The following TMEM63B variants were observed in gnomAD, a reference collection of about 807,000 sequenced individuals.
TMEM63B encodes the protein mechanosensitive cation channel TMEM63B.
A neutral mutation model predicts 102.6 loss-of-function variants in TMEM63B; 23 were observed. The ratio of observed to expected loss-of-function variants is 0.22; its 90% CI spans 0.16 to 0.32. TMEM63B has a LOEUF of 0.32. TMEM63B is among the 10% of genes least tolerant of loss of function. The pLI is 1.00. For missense variants in TMEM63B, 628 were observed against 1,095.9 expected (o/e 0.57, Z 6.03); for synonymous variants, 444 against 437.0 (o/e 1.02, Z -0.20).
Position 44,154,684 on chromosome 6 carries a change from T to C in TMEM63B, c.2308-8T>C. The C allele has an allele frequency of 6.5e-7, 1 of 1,537,188 alleles. No homozygotes were observed. Among genetic ancestry groups the C allele is most frequent in the Non-Finnish European group, 8.7e-7 (1 of 1,142,894 alleles). On this transcript the variant is annotated splice_region_variant and splice_polypyrimidine_tract_variant and intron_variant, in intron 23 of 23. Coordinates refer to ENST00000323267, the MANE Select transcript of TMEM63B (RefSeq NM_018426.3). ...TTCACCTTGCCCCCATTTCCTCTCCTCCTTCAGAAATACATCGCTCAGGTG... is the reference window on the plus strand; with the variant it reads ...TTCACCTTGCCCCCATTTCCTCTCCCCCTTCAGAAATACATCGCTCAGGTG...
intron 9 of TMEM63B, 61 bp from the exon 10 acceptor site, chr6:44,140,967 A>T (rs1764129752): frequency 1.3e-6 from 2 of 1,497,320 alleles, no homozygotes; most frequent in East Asian, 4.5e-5. Context: ...CCCACCCCTC[A>T]CATCCCCTGG....
At chr6:44,142,258 C>A (rs898497685) in intron 10 of TMEM63B, among the ~76,000 whole-genome samples, 2 of 135,496 alleles carry the variant, frequency 1.5e-5, no homozygotes, top group Non-Finnish European at 3.2e-5. Flanking sequence ...ATAATGAGAC[C>A]CCATGTCTTA....
In TMEM63B at chr6:44,147,507, C is replaced by T. The variant is rs6931058; in HGVS notation, c.987+7C>T. ...GGTGCGAGGCTGTGAGCAGGTATGA[C>T]GCGGGCTGGCTGTTGAGTCGGGAGA... On this transcript the variant is annotated splice_region_variant and intron_variant, in intron 12 of 23. Coordinates refer to ENST00000323267, the MANE Select transcript of TMEM63B (RefSeq NM_018426.3). 2.3e-3 allele frequency: 3,693 copies of T among 1,613,896 alleles called. 76 individuals are homozygous for T. In the African/African-American group the frequency reaches 0.042, roughly 19 times the overall value.
rs774010395 is a variant in TMEM63B, at chr6:44,151,876, C to T, written c.1704C>T (p.Phe568=). 1 of 1,612,962 alleles carries T rather than the reference C, an allele frequency of 6.2e-7. No homozygotes were observed. Among genetic ancestry groups the T allele is most frequent in the South Asian group, 1.1e-5 (1 of 90,954 alleles). Residue 568 remains phenylalanine, a synonymous_variant, in exon 19 of 24, where the codon TTC becomes TTT. Transcript: ENST00000323267. ...ECVFLPDNGA[F]FVNYVIASAF... is the part of the protein sequence containing the mutation. ...TGTTCCTGCCCGACAACGGCGCCTT[C>T]TTCGTGAACTACGTCATTGCCTCAG... is the stretch of plus-strand genomic sequence containing the variant.
At chr6:44,149,742 A>G (rs1179797523) in intron 15 of TMEM63B, 117 bp from the exon 16 acceptor site, 1 of 773,502 alleles carries the variant, frequency 1.3e-6, no homozygotes. Flanking sequence ...TGGGCTTCCA[A>G]CATGGGAGCC....
chr6:44,144,479 G>C (rs867009328), intron 10 of TMEM63B, among the ~76,000 whole-genome samples: 4 of 152,068 alleles, frequency 2.6e-5, no homozygotes, highest in African/African-American at 9.7e-5. Context: ...ACATCTCAAG[G>C]ACCCTATCCC....
rs1246485262 is a variant in TMEM63B at position 44,147,399 on chromosome 6, C to T, written c.886C>T (p.Leu296=). 1 of 1,614,182 alleles carries T rather than the reference C, an allele frequency of 6.2e-7. No individual in the cohort carries two copies. ...AERKKAERGK[L]YFTNLQSKEN... is the part of the protein sequence containing the mutation. ...CAGGAAGAAGGCCGAGCGGGGAAAG[C>T]TGTACTTCACAAACCTCCAGAGCAA... Residue 296 remains leucine (L), a synonymous_variant, in exon 12 of 24, where the codon CTG becomes TTG. Coordinates refer to ENST00000323267, the MANE Select transcript of TMEM63B (RefSeq NM_018426.3).
At chr6:44,145,152 A>G (rs1208371362) in intron 10 of TMEM63B, among the ~76,000 whole-genome samples, 1 of 151,598 alleles carries the variant, frequency 6.6e-6, no homozygotes, top group Non-Finnish European at 1.5e-5. Context: ...GCATGTGCCT[A>G]TAATCCCAGC....
At chr6:44,146,462 T>TTTTTTTTTTTTTTTA (rs1485690463) in intron 10 of TMEM63B, among the ~76,000 whole-genome samples, 2 of 151,608 alleles carry the variant, frequency 1.3e-5, no homozygotes, top group Non-Finnish European at 1.5e-5. Context: ...TTTTTGTCTT[T>TTTTTTTTTTTTTTTA]TTTTTTGAGA....
At chr6:44,140,814 T>A (rs1452638675) in intron 9 of TMEM63B, among the ~76,000 whole-genome samples, 2 of 152,172 alleles carry the variant, frequency 1.3e-5, no homozygotes, top group Non-Finnish European at 2.9e-5. Context: ...TTAGGCTCAC[T>A]GCCTGATTTC....
chr6:44,138,426 G>C lies in TMEM63B; in HGVS notation c.370-54G>C. 2.5e-6 allele frequency: 4 copies of C among 1,611,980 alleles called. No homozygotes were observed. The East Asian group carries it at 8.9e-5, about 36-fold the overall frequency. Reference sequence around the variant, plus strand: ...AATGGGTGGGACTTGAGGGAGGAGAGAGGTTCGGGTTGGTGGGCTGGGGAC... The same window carrying C: ...AATGGGTGGGACTTGAGGGAGGAGACAGGTTCGGGTTGGTGGGCTGGGGAC... On this transcript the variant is annotated intron_variant, in intron 5 of 23. Transcript: ENST00000323267.
At position 44,134,760 on chromosome 6, in the gene TMEM63B, A is replaced by AC. The variant is rs757676472; in HGVS notation, c.159+21dup. 5.6e-6 allele frequency: 9 copies of AC among 1,608,202 alleles called. No homozygotes were observed. In the Admixed American group the frequency reaches 1.5e-4, roughly 27 times the overall value. On this transcript the variant is annotated intron_variant, in intron 2 of 23. Transcript: ENST00000323267. ...TGCTTCCTTGTAAGTGCCTGCTGCC[A>AC]CCCCTTACCTTGGCATCCATGCCCT...
intron 10 of TMEM63B, among the ~76,000 whole-genome samples, chr6:44,143,731 T>G (rs555786164): frequency 5.3e-5 from 8 of 152,058 alleles, no homozygotes; most frequent in Non-Finnish European, 1.2e-4. Context: ...GATGAACTAG[T>G]AATAGAGACT....
chr6:44,148,176 G>A lies in TMEM63B; in HGVS notation c.988-76G>A. On this transcript the variant is annotated intron_variant, in intron 12 of 23. Transcript: ENST00000323267. The surrounding 1 kb of genome is among the most constrained non-coding windows in gnomAD (Gnocchi z 5.1). ...GTGCCTGGCTTGTAGGAAGCCCCAA[G>A]TCAGCGTGGGCTGGATGCTGCAGGC... is the stretch of plus-strand genomic sequence containing the variant. 1 of 1,579,010 alleles carries A rather than the reference G, an allele frequency of 6.3e-7. No individual in the cohort carries two copies. Among genetic ancestry groups the A allele is most frequent in the South Asian group, 1.1e-5 (1 of 87,344 alleles).
At chr6:44,145,258 G>T (rs1195119122) in intron 10 of TMEM63B, among the ~76,000 whole-genome samples, 1 of 138,398 alleles carries the variant, frequency 7.2e-6, no homozygotes, top group Non-Finnish European at 1.5e-5. Flanking sequence ...CTGGGCGACA[G>T]AGCAAGACTC....
At chr6:44,149,063 C>A in intron 15 of TMEM63B, 118 bp downstream of exon 15, 1 of 1,501,140 alleles carries the variant, frequency 6.7e-7, no homozygotes, top group Non-Finnish European at 9.1e-7. Flanking sequence ...CCCCGTGCCA[C>A]CAACCAGCTC....
intron 20 of TMEM63B, 91 bp from the exon 21 acceptor site, chr6:44,153,585 A>C (rs1582832986): frequency 1.4e-6 from 2 of 1,477,958 alleles, no homozygotes; most frequent in Non-Finnish European, 1.8e-6. Context: ...CCAACCCTTC[A>C]GCACTCTCAG....
chr6:44,132,762 A>C (rs567647599), intron 1 of TMEM63B, among the ~76,000 whole-genome samples: 1 of 152,274 alleles, frequency 6.6e-6, no homozygotes, highest in South Asian at 2.1e-4. Flanking sequence ...ACACACATTT[A>C]CATACCTGGA....
intron 7 of TMEM63B, 44 bp from the exon 8 acceptor site, chr6:44,139,664 T>A (rs1213968580): frequency 8.7e-6 from 14 of 1,614,042 alleles, no homozygotes; most frequent in Non-Finnish European, 1.2e-5. Flanking sequence ...GGAGGGGATG[T>A]GCCCTGACCC....
Sources: gnomAD v4.1 joint callset for allele counts (sites outside exome capture counted in the v4.1 genomes callset) on GRCh38, gnomAD v4.1.1 for gene constraint, Gnocchi (gnomAD v3.1) non-coding constraint, MANE v1.5 for transcripts, NCBI Gene and HGNC (gene_info 2026-07-23, HGNC 2026-07-21) for gene names.